ATP8A2: variants seen among roughly 807,000 people sequenced by gnomAD.
ATP8A2 encodes phospholipid-transporting ATPase IB.
In ATP8A2, 100 loss-of-function variants were observed where a neutral mutation model predicts 165.6. That is an observed-to-expected ratio of 0.60 (90% CI 0.51 to 0.71). The LOEUF is 0.71. Among genes scored for constraint, ATP8A2 ranks in the 30% least tolerant of loss-of-function variants. The pLI, the probability that ATP8A2 is intolerant of heterozygous loss-of-function variation, is 0.00. For missense variants in ATP8A2, 1,227 were observed against 1,479.5 expected, an observed-to-expected ratio of 0.83 and a Z score of 2.80; for synonymous variants, 543 against 548.8, an observed-to-expected ratio of 0.99 and a Z score of 0.15.
At chr13:25,513,784 G>A (rs1040711665) in intron 2 of ATP8A2, among the ~76,000 whole-genome samples, 5 of 152,166 alleles carry the variant, frequency 3.3e-5, no homozygotes, top group East Asian at 1.9e-4. Flanking sequence ...GCGAAACCCC[G>A]TCTCCACCAA....
intron 24 of ATP8A2, among the ~76,000 whole-genome samples, chr13:25,606,166 C>T (rs147616566): frequency 2.0e-5 from 3 of 152,202 alleles, no homozygotes; most frequent in South Asian, 4.2e-4. Context: ...TTGAGGCTAT[C>T]ATAGCAAAAA....
intron 1 of ATP8A2, among the ~76,000 whole-genome samples, chr13:25,410,294 G>A (rs2033931000): frequency 6.6e-6 from 1 of 152,134 alleles, no homozygotes; most frequent in Admixed American, 6.5e-5. Flanking sequence ...TTCGTCAAAT[G>A]CTATTTGTTC....
intron 33 of ATP8A2, among the ~76,000 whole-genome samples, chr13:25,938,994 C>T (rs771727256): frequency 4.6e-5 from 7 of 152,158 alleles, no homozygotes; most frequent in African/African-American, 1.7e-4. Context: ...AGGCACGCAC[C>T]ACCACGCCCG....
At chr13:25,507,052 G>A (rs907352943) in intron 2 of ATP8A2, among the ~76,000 whole-genome samples, 2 of 151,136 alleles carry the variant, frequency 1.3e-5, no homozygotes, top group Non-Finnish European at 2.9e-5. Context: ...ATTTTGGTAA[G>A]GAATAATACT....
intron 33 of ATP8A2, chr13:25,950,755 G>A (rs1472815544): frequency 6.6e-6 from 1 of 152,180 alleles, no homozygotes; most frequent in Non-Finnish European, 1.5e-5. Context: ...AAGAGAAGAA[G>A]GGGCAGTTGG....
chr13:25,500,665 A>C (rs1245272782), intron 2 of ATP8A2, among the ~76,000 whole-genome samples: 1 of 152,050 alleles, frequency 6.6e-6, no homozygotes, highest in African/African-American at 2.4e-5. Flanking sequence ...GGCTTACCCC[A>C]ACCTCCACGG....
intron 35 of ATP8A2, among the ~76,000 whole-genome samples, chr13:25,991,574 G>T (rs1956394506): frequency 6.6e-6 from 1 of 152,172 alleles, no homozygotes; most frequent in Admixed American, 6.5e-5. Context: ...TTCAAGAATG[G>T]CATATACATG....
intron 25 of ATP8A2, among the ~76,000 whole-genome samples, chr13:25,729,880 AT>A (rs2043580633): frequency 6.6e-6 from 1 of 152,176 alleles, no homozygotes; most frequent in Non-Finnish European, 1.5e-5. Flanking sequence ...AATTTGTATA[AT>A]TGTTAAATGT....
chr13:25,603,925 A>G (rs1375544877), intron 24 of ATP8A2, among the ~76,000 whole-genome samples: 3 of 152,144 alleles, frequency 2.0e-5, no homozygotes, highest in South Asian at 2.1e-4. Flanking sequence ...AAGGTCTATT[A>G]TGGAGAAAAA....
At chr13:25,973,253 C>G (rs533700853) in intron 35 of ATP8A2, among the ~76,000 whole-genome samples, 1 of 152,322 alleles carries the variant, frequency 6.6e-6, no homozygotes, top group African/African-American at 2.4e-5. Flanking sequence ...GCCGTCGCCT[C>G]GTCTCCCTTC....
chr13:25,691,058 T>G (rs780235666), intron 24 of ATP8A2, among the ~76,000 whole-genome samples: 1 of 152,190 alleles, frequency 6.6e-6, no homozygotes, highest in Non-Finnish European at 1.5e-5. Context: ...ATTAGATGAA[T>G]CTGAAAGCAT....
At chr13:25,850,537 T>C (rs533332245) in intron 30 of ATP8A2, among the ~76,000 whole-genome samples, 4 of 149,920 alleles carry the variant, frequency 2.7e-5, no homozygotes, top group South Asian at 2.2e-4. Context: ...GCTCTTACCA[T>C]GGTTTGCACA....
chr13:25,940,766 G>A (rs1160106192), intron 33 of ATP8A2, among the ~76,000 whole-genome samples: 1 of 152,198 alleles, frequency 6.6e-6, no homozygotes, highest in South Asian at 2.1e-4. Context: ...CAGAGGACTA[G>A]CCTGGCCTCT....
intron 2 of ATP8A2, among the ~76,000 whole-genome samples, chr13:25,472,388 C>T (rs9652086): frequency 0.094 from 12,718 of 135,432 alleles, 883 homozygotes; most frequent in African/African-American, 0.21. Flanking sequence ...AGCAAGACTC[C>T]GTCTCAAAAA....
intron 1 of ATP8A2, among the ~76,000 whole-genome samples, chr13:25,386,540 C>T (rs1304326936): frequency 2.6e-5 from 4 of 152,164 alleles, no homozygotes; most frequent in Admixed American, 6.5e-5. Context: ...TTCCTCTTCT[C>T]TCTAAGAATG....
At chr13:25,801,211 G>A (rs58489461) in intron 27 of ATP8A2, among the ~76,000 whole-genome samples, 6,123 of 152,246 alleles carry the variant, frequency 0.04, 181 homozygotes, top group African/African-American at 0.075. Flanking sequence ...TCGGAGTGCA[G>A]TCTGCGCTCC....
intron 27 of ATP8A2, among the ~76,000 whole-genome samples, chr13:25,780,802 C>T (rs1239022024): frequency 6.6e-6 from 1 of 152,060 alleles, no homozygotes. Flanking sequence ...CTAATGCTGC[C>T]ACTGATCTGA....
intron 33 of ATP8A2, among the ~76,000 whole-genome samples, chr13:25,914,508 T>G (rs1420437446): frequency 1.3e-5 from 2 of 152,174 alleles, no homozygotes; most frequent in East Asian, 3.8e-4. Flanking sequence ...GTGGAAGGTT[T>G]TTTTATGCTC....
chr13:25,761,873 A>G lies in ATP8A2; in HGVS notation c.2385-7173A>G, dbSNP rs882204. ...TTTAATAGTTGAAGCATTATGATCT[A>G]AAGAGGCCAGGAAAAAAAACTAAGC... On this transcript the variant is annotated intron_variant, in intron 25 of 36. Transcript: ENST00000381655. Among the ~76,000 whole-genome samples, 748 of 152,036 alleles carry G rather than the reference A, an allele frequency of 4.9e-3. 5 individuals are homozygous for G. Among genetic ancestry groups the G allele is most frequent in the African/African-American group, 0.017 (704 of 41,452 alleles).
Sources: allele counts gnomAD v4.1 joint callset (sites outside exome capture counted in the v4.1 genomes callset), GRCh38; gene constraint gnomAD v4.1.1; transcripts MANE v1.5; gene names NCBI Gene and HGNC (gene_info 2026-07-23, HGNC 2026-07-21).